PTPRN2: variants seen among roughly 807,000 people sequenced by gnomAD.
PTPRN2 encodes the protein receptor-type tyrosine-protein phosphatase N2.
Under a neutral mutation model 118.8 loss-of-function variants are expected in PTPRN2, and 74 were observed. The observed-to-expected ratio is 0.62, with a 90% CI of 0.52 to 0.76. PTPRN2 has a LOEUF of 0.76. Among genes scored for constraint, PTPRN2 ranks in the 30% least tolerant of loss-of-function variants. The pLI, the probability that PTPRN2 is intolerant of heterozygous loss-of-function variation, is 0.00. For missense variants in PTPRN2, 1,481 were observed against 1,394.4 expected, an observed-to-expected ratio of 1.06 and a Z score of -0.99; for synonymous variants, 641 against 608.0, an observed-to-expected ratio of 1.05 and a Z score of -0.80.
At position 157,571,641 on chromosome 7, in the gene PTPRN2, T is replaced by C. The variant is rs1368828058; in HGVS notation, c.2784-148A>G. The stretch of plus-strand genomic sequence containing the variant: ...ACGGAGAAAATAAAAATCATACGCA[T>C]AATATCAAACATTTATTCTTCTTCT... On this transcript the variant is annotated intron_variant, in intron 19 of 22. Coordinates refer to ENST00000389418, the MANE Select transcript of PTPRN2 (RefSeq NM_002847.5). 3 of 603,320 alleles carry C rather than the reference T, an allele frequency of 5.0e-6. No individual in the cohort carries two copies. In the African/African-American group the frequency reaches 5.7e-5, roughly 11 times the overall value. The allele number at this position is 603,320 out of a possible 1,614,324, so 37.4% of individuals were successfully genotyped here.
At chr7:158,321,721 T>A (rs1040479513) in intron 2 of PTPRN2, among the ~76,000 whole-genome samples, 4 of 152,234 alleles carry the variant, frequency 2.6e-5, no homozygotes, top group African/African-American at 9.6e-5. Context: ...CAGGTTTGCC[T>A]ATGAAAACTG....
Position 157,813,383 on chromosome 7 carries a change from G to A in PTPRN2, c.1788+85290C>T, listed in dbSNP as rs1806180365. On this transcript the variant is annotated intron_variant, in intron 12 of 22. Transcript: ENST00000389418. The surrounding 1 kb of genome is among the most constrained non-coding windows in gnomAD (Gnocchi z 4.7). ...GGGAACGGTGGGGAGGGAAGAGGGT[G>A]GGAGACCAGAGTCAGAGGCGGACAG... is the stretch of plus-strand genomic sequence containing the variant. 6.6e-6 allele frequency among the ~76,000 whole-genome samples: 1 copy of A among 152,140 alleles called. No individual in the cohort carries two copies. The highest frequency in any genetic ancestry group is 2.1e-4 in the South Asian group (1 of 4,834).
At chr7:158,070,593 C>CCA (rs1811220800) in intron 11 of PTPRN2, among the ~76,000 whole-genome samples, 1 of 39,216 alleles carries the variant, frequency 2.5e-5, no homozygotes, top group Non-Finnish European at 4.7e-5. Context: ...GTGGAGGTGC[C>CCA]TGTGGTGGAG....
intron 11 of PTPRN2, among the ~76,000 whole-genome samples, chr7:157,949,333 T>A (rs1473059604): frequency 5.9e-5 from 9 of 152,260 alleles, no homozygotes; most frequent in African/African-American, 2.2e-4. Flanking sequence ...GTTAATTTTA[T>A]GCTATGTTAA....
intron 9 of PTPRN2, among the ~76,000 whole-genome samples, chr7:158,122,939 T>A (rs76851834): frequency 5.9e-5 from 9 of 151,822 alleles, no homozygotes; most frequent in East Asian, 3.9e-4. Flanking sequence ...GTGGGCCAGA[T>A]GAAATCAAGC....
At chr7:158,417,660 A>C (rs1400561297) in intron 2 of PTPRN2, among the ~76,000 whole-genome samples, 14 of 142,046 alleles carry the variant, frequency 9.9e-5, no homozygotes, top group East Asian at 2.2e-4. Context: ...TCTAGCTCTC[A>C]GTGTCCCACT....
intron 11 of PTPRN2, among the ~76,000 whole-genome samples, chr7:158,041,744 A>C (rs983824448): frequency 6.6e-6 from 1 of 152,206 alleles, no homozygotes; most frequent in Non-Finnish European, 1.5e-5. Flanking sequence ...CTATGGCCAA[A>C]GAGAAACCTG....
chr7:158,542,941 C>A (rs1469846157), intron 1 of PTPRN2, among the ~76,000 whole-genome samples: 1 of 152,346 alleles, frequency 6.6e-6, no homozygotes, highest in Non-Finnish European at 1.5e-5. Context: ...GCCGCAGAGA[C>A]CACAAAGCCC....
intron 12 of PTPRN2, among the ~76,000 whole-genome samples, chr7:157,688,716 C>G (rs1797316772): frequency 6.6e-6 from 1 of 152,206 alleles, no homozygotes; most frequent in Non-Finnish European, 1.5e-5. Flanking sequence ...TCAGAAGCCC[C>G]AACCCAAGAC....
chr7:157,739,202 G>A (rs1800480024), intron 12 of PTPRN2: 1 of 152,238 alleles, frequency 6.6e-6, no homozygotes, highest in Non-Finnish European at 1.5e-5. Context: ...GGAGATTAAA[G>A]CAAACTCCAT....
At chr7:157,832,935 G>C (rs935551563) in intron 12 of PTPRN2, among the ~76,000 whole-genome samples, 2 of 152,276 alleles carry the variant, frequency 1.3e-5, no homozygotes, top group African/African-American at 4.8e-5. Flanking sequence ...TGAGATGGCG[G>C]GATTCTCCAG....
At chr7:157,734,943 T>C (rs766652676) in intron 12 of PTPRN2, among the ~76,000 whole-genome samples, 1 of 152,184 alleles carries the variant, frequency 6.6e-6, no homozygotes, top group Non-Finnish European at 1.5e-5. Context: ...CGCACACACA[T>C]CTGAGATTAT....
chr7:157,986,523 A>T lies in PTPRN2; in HGVS notation c.1724-87786T>A, dbSNP rs535731848. Among the ~76,000 whole-genome samples, 1 of 151,848 alleles carries T rather than the reference A, an allele frequency of 6.6e-6. No individual in the cohort carries two copies. The highest frequency in any genetic ancestry group is 2.1e-4 in the South Asian group (1 of 4,750). ...AGCACAGGCCATGCCTGCCTCTCCCAGGTGGCATCTCCTCTCTGTGGTCCT... is the reference window on the plus strand; with the variant it reads ...AGCACAGGCCATGCCTGCCTCTCCCTGGTGGCATCTCCTCTCTGTGGTCCT... On this transcript the variant is annotated intron_variant, in intron 11 of 22. Transcript: ENST00000389418. The surrounding 1 kb of genome is among the most constrained non-coding windows in gnomAD (Gnocchi z 4.5).
intron 4 of PTPRN2, among the ~76,000 whole-genome samples, chr7:158,193,435 T>C (rs1235243823): frequency 3.3e-5 from 5 of 152,072 alleles, no homozygotes; most frequent in African/African-American, 1.2e-4. Context: ...GGAGATTCAC[T>C]GGAAAAGTCG....
chr7:157,992,799 C>T (rs952186292), intron 11 of PTPRN2, among the ~76,000 whole-genome samples: 7 of 152,242 alleles, frequency 4.6e-5, no homozygotes, highest in East Asian at 1.9e-4. Context: ...TCACTGCCCA[C>T]GCCTAAATCT....
In PTPRN2 at chr7:157,649,718, G is replaced by T. The variant is rs545341520; in HGVS notation, c.2196+6639C>A. Among the ~76,000 whole-genome samples, 4 of 148,420 alleles carry T rather than the reference G, an allele frequency of 2.7e-5. No individual in the cohort carries two copies. In the East Asian group the frequency reaches 8.3e-4, roughly 31 times the overall value. On this transcript the variant is annotated intron_variant, in intron 14 of 22. Transcript: ENST00000389418. ...CATTCACTGTGCACTGAACTCGGTG[G>T]GTCGGACCCATTCACTGTGCACTGA...
intron 11 of PTPRN2, among the ~76,000 whole-genome samples, chr7:158,064,546 G>A (rs61443360): frequency 0.11 from 16,129 of 152,108 alleles, 2,186 homozygotes; most frequent in African/African-American, 0.32. Flanking sequence ...CTGTCCAGCT[G>A]TTTCCTGGAA....
intron 5 of PTPRN2, 61 bp from the exon 6 acceptor site, chr7:158,167,352 C>G (rs1261259249): frequency 1.3e-6 from 2 of 1,521,182 alleles, no homozygotes; most frequent in African/African-American, 2.7e-5. Flanking sequence ...CTGGGGGCAC[C>G]AAGATGCCCT....
chr7:158,018,982 AAAAAAAAAAG>A (rs1806659571), intron 11 of PTPRN2, among the ~76,000 whole-genome samples: 3 of 144,712 alleles, frequency 2.1e-5, no homozygotes, highest in Non-Finnish European at 4.7e-5. Context: ...AAAAAAAAAA[AAAAAAAAAAG>A]AGAATATAAG....
Sources: gnomAD v4.1 joint callset for allele counts (sites outside exome capture counted in the v4.1 genomes callset) on GRCh38, gnomAD v4.1.1 for gene constraint, Gnocchi (gnomAD v3.1) non-coding constraint, MANE v1.5 for transcripts, NCBI Gene and HGNC (gene_info 2026-07-23, HGNC 2026-07-21) for gene names.